TBC1D19: variants seen among roughly 807,000 people sequenced by gnomAD.
TBC1D19 encodes TBC1 domain family, member 19.
A neutral mutation model predicts 89.0 loss-of-function variants in TBC1D19; 60 were observed. That is an observed-to-expected ratio of 0.67 (90% CI 0.55 to 0.84). The LOEUF is 0.84. TBC1D19 is among the 40% of genes least tolerant of loss of function. The probability of loss-of-function intolerance (pLI) is 0.00; values close to 1 mark genes in which losing one functional copy is unlikely to be tolerated. For missense variants in TBC1D19, 500 were observed against 610.8 expected (o/e 0.82, Z 1.91); for synonymous variants, 189 against 199.7 (o/e 0.95, Z 0.45).
At chr4:26,803,676 G>A in the TBC1D19 span, among the ~76,000 whole-genome samples, 1 of 152,112 alleles carries the variant, frequency 6.6e-6, no homozygotes, top group South Asian at 2.1e-4. Flanking sequence ...TGTGGCAAAC[G>A]GTGCATTTGG....
intron 11 of TBC1D19, among the ~76,000 whole-genome samples, chr4:26,679,759 A>C (rs1469455544): frequency 6.6e-6 from 1 of 152,264 alleles, no homozygotes; most frequent in Non-Finnish European, 1.5e-5. Flanking sequence ...AGAGCTGGCC[A>C]AGGCCATGGG....
chr4:26,785,392 C>T, the TBC1D19 span, among the ~76,000 whole-genome samples: 3 of 152,168 alleles, frequency 2.0e-5, no homozygotes, highest in Non-Finnish European at 2.9e-5. Flanking sequence ...ACTGTAAGAG[C>T]ACAGCGTTGT....
At chr4:26,668,395 A>G (rs1183600531) in intron 9 of TBC1D19, among the ~76,000 whole-genome samples, 1 of 152,002 alleles carries the variant, frequency 6.6e-6, no homozygotes, top group African/African-American at 2.4e-5. Context: ...TGATTCATTC[A>G]TAATATAACA....
intron 7 of TBC1D19, among the ~76,000 whole-genome samples, chr4:26,656,757 C>T (rs531605913): frequency 1.3e-5 from 2 of 152,176 alleles, no homozygotes; most frequent in East Asian, 1.9e-4. Flanking sequence ...TGGAGTCTCA[C>T]GATGTTGCCC....
intron 1 of TBC1D19, among the ~76,000 whole-genome samples, chr4:26,605,583 T>G (rs916778171): frequency 9.9e-5 from 15 of 152,144 alleles, no homozygotes; most frequent in Non-Finnish European, 4.4e-5. Context: ...ATGGAATGGC[T>G]GGGTCAAATG....
intron 13 of TBC1D19, among the ~76,000 whole-genome samples, chr4:26,712,446 C>T (rs1428880366): frequency 6.6e-6 from 1 of 152,054 alleles, no homozygotes; most frequent in Admixed American, 6.6e-5. Flanking sequence ...CATCACATCT[C>T]TTTCTGACTT....
the TBC1D19 span, among the ~76,000 whole-genome samples, chr4:26,799,171 C>CTTTTTTTGTAGAG: frequency 3.3e-5 from 5 of 152,040 alleles, no homozygotes; most frequent in African/African-American, 9.6e-5. Context: ...AGAGATACCC[C>CTTTTTTTGTAGAG]ATCTCTACAA....
At chr4:26,616,817 A>T (rs1741730740) in intron 3 of TBC1D19, among the ~76,000 whole-genome samples, 1 of 152,192 alleles carries the variant, frequency 6.6e-6, no homozygotes, top group African/African-American at 2.4e-5. Context: ...GCATACTTTA[A>T]TTATCTTTTC....
the TBC1D19 span, among the ~76,000 whole-genome samples, chr4:26,849,187 TACACACACACACAAACACACAC>T: frequency 9.6e-6 from 1 of 104,532 alleles, no homozygotes; most frequent in Non-Finnish European, 2.0e-5. Flanking sequence ...AAATAAATGA[TACACACACACACAAACACACAC>T]ACACACACAC....
the TBC1D19 span, among the ~76,000 whole-genome samples, chr4:26,839,982 G>C: frequency 5.9e-5 from 9 of 152,002 alleles, no homozygotes; most frequent in African/African-American, 2.2e-4. Flanking sequence ...GGAGGAATGT[G>C]GACACCGCAT....
In TBC1D19 at chr4:26,645,636, A is replaced by G. The variant is rs572694795; in HGVS notation, c.480+5449A>G. ...TAAAACACCAAAAGCAATGGCAACA[A>G]AAGCCAAAATTGACAAATGGGAACT... On this transcript the variant is annotated intron_variant, in intron 7 of 20. Transcript: ENST00000264866. Among the ~76,000 whole-genome samples, 3 of 152,378 alleles carry G rather than the reference A, an allele frequency of 2.0e-5. No homozygotes were observed. In the East Asian group the frequency reaches 5.8e-4, roughly 29 times the overall value.
chr4:26,715,124 G>A (rs545639796), intron 13 of TBC1D19, among the ~76,000 whole-genome samples: 1 of 152,042 alleles, frequency 6.6e-6, no homozygotes, highest in Non-Finnish European at 1.5e-5. Context: ...CTCCATACAA[G>A]TATCTCCAAT....
At chr4:26,666,982 C>G (rs1475985631) in intron 9 of TBC1D19, among the ~76,000 whole-genome samples, 5 of 151,644 alleles carry the variant, frequency 3.3e-5, no homozygotes, top group Non-Finnish European at 7.4e-5. Flanking sequence ...CTAGTCTTTC[C>G]TCTGCCACTG....
upstream of TBC1D19, among the ~76,000 whole-genome samples, chr4:26,580,675 T>C (rs910351494): frequency 6.6e-6 from 1 of 152,250 alleles, no homozygotes; most frequent in East Asian, 1.9e-4. Flanking sequence ...AGACATGGCA[T>C]GTTAAAAGCA....
chr4:26,755,015 C>T lies in TBC1D19; in HGVS notation c.*68C>T. On this transcript the variant is annotated 3_prime_UTR_variant, in exon 21 of 21. Transcript: ENST00000264866. The stretch of plus-strand genomic sequence containing the variant: ...AAACAAATCATGAACTATGCAAACT[C>T]TGCATAAAACCAAAATGAAACTTTG... 7.2e-7 allele frequency: 1 copy of T among 1,386,982 alleles called. No homozygotes were observed. Among genetic ancestry groups the T allele is most frequent in the Non-Finnish European group, 9.8e-7 (1 of 1,019,766 alleles). 85.9% of individuals were successfully genotyped at this position (1,386,982 alleles called of 1,614,324 possible).
chr4:26,770,729 G>A, the TBC1D19 span, among the ~76,000 whole-genome samples: 1 of 151,958 alleles, frequency 6.6e-6, no homozygotes. Flanking sequence ...AAACAGACAG[G>A]TCTCAACAAT....
chr4:26,749,496 G>C (rs1718836396), intron 19 of TBC1D19, among the ~76,000 whole-genome samples: 1 of 150,688 alleles, frequency 6.6e-6, no homozygotes, highest in African/African-American at 2.4e-5. Context: ...GCCCAACCTG[G>C]GGTACAGTGG....
the TBC1D19 span, among the ~76,000 whole-genome samples, chr4:26,806,136 C>T: frequency 9.2e-5 from 14 of 152,044 alleles, no homozygotes; most frequent in Non-Finnish European, 1.6e-4. Context: ...TCAAGCTTGC[C>T]AAGCTTGGCA....
rs1719112566 is a variant in TBC1D19, at chr4:26,753,806, G to A, written c.1436-14G>A. 1.2e-6 allele frequency: 2 copies of A among 1,613,704 alleles called. No individual in the cohort carries two copies. The highest frequency in any genetic ancestry group is 1.7e-6 in the Non-Finnish European group (2 of 1,179,714). ...AGTAGGCCAGCAGTTGAAGTAGTGT[G>A]CATTCTTTTCCAGTGCTGGCAGCTG... is the stretch of plus-strand genomic sequence containing the variant. On this transcript the variant is annotated splice_polypyrimidine_tract_variant and intron_variant, in intron 19 of 20. Coordinates refer to ENST00000264866, the MANE Select transcript of TBC1D19 (RefSeq NM_018317.4).
Sources: gnomAD v4.1 joint callset for allele counts (sites outside exome capture counted in the v4.1 genomes callset) on GRCh38, gnomAD v4.1.1 for gene constraint, MANE v1.5 for transcripts, NCBI Gene and HGNC (gene_info 2026-07-23, HGNC 2026-07-21) for gene names.